NAALADL2: variants seen among roughly 807,000 people sequenced by gnomAD.
NAALADL2 encodes N-acetylated alpha-linked acidic dipeptidase like 2.
A neutral mutation model predicts 87.2 loss-of-function variants in NAALADL2; 76 were observed. That is an observed-to-expected ratio of 0.87 (90% confidence interval 0.72 to 1.05). NAALADL2 has a LOEUF of 1.05. Ranked by LOEUF, NAALADL2 falls within the 50% of genes least tolerant of loss-of-function variation. The pLI is 0.00. For missense variants in NAALADL2, 1,089 were observed against 945.8 expected (o/e 1.15, Z -1.99); for synonymous variants, 354 against 331.0 (o/e 1.07, Z -0.75).
chr3:175,308,147 G>A (rs1348642791), intron 4 of NAALADL2, among the ~76,000 whole-genome samples: 1 of 152,124 alleles, frequency 6.6e-6, no homozygotes, highest in African/African-American at 2.4e-5. Flanking sequence ...TATGAAAGAA[G>A]AGAGACATAA....
chr3:175,449,542 C>T (rs746583977), intron 6 of NAALADL2, among the ~76,000 whole-genome samples: 2 of 151,710 alleles, frequency 1.3e-5, no homozygotes, highest in African/African-American at 2.4e-5. Context: ...TACAGGTGCC[C>T]GCCACCAAGC....
intron 2 of NAALADL2, among the ~76,000 whole-genome samples, chr3:175,181,646 TTC>T (rs1414116834): frequency 2.0e-5 from 3 of 149,502 alleles, no homozygotes; most frequent in African/African-American, 7.4e-5. Flanking sequence ...CAACATACCT[TTC>T]TTATTTATGA....
At chr3:175,235,697 A>G (rs1745714498) in intron 3 of NAALADL2, 1 of 152,252 alleles carries the variant, frequency 6.6e-6, no homozygotes, top group Admixed American at 6.5e-5. Flanking sequence ...CTCCTAAACA[A>G]AAGCATGTCT....
At chr3:174,660,616 A>C (rs911581762) in intron 2 of NAALADL2, among the ~76,000 whole-genome samples, 1 of 152,154 alleles carries the variant, frequency 6.6e-6, no homozygotes, top group Non-Finnish European at 1.5e-5. Context: ...TGTTGTGTAC[A>C]ATTTTGAAAG....
chr3:174,547,781 C>T (rs964055869), intron 1 of NAALADL2, among the ~76,000 whole-genome samples: 3 of 152,070 alleles, frequency 2.0e-5, no homozygotes, highest in Non-Finnish European at 4.4e-5. Flanking sequence ...AGAGTTATAG[C>T]TCTTTAAACT....
chr3:175,569,428 G>A (rs1322322280), intron 9 of NAALADL2, among the ~76,000 whole-genome samples: 1 of 152,066 alleles, frequency 6.6e-6, no homozygotes, highest in Admixed American at 6.5e-5. Context: ...GTTCCCCAAA[G>A]AAACAGAATC....
At chr3:175,165,354 A>G (rs964630552) in intron 2 of NAALADL2, among the ~76,000 whole-genome samples, 1 of 152,168 alleles carries the variant, frequency 6.6e-6, no homozygotes, top group Non-Finnish European at 1.5e-5. Flanking sequence ...TTCTTGATAA[A>G]TGCTTATATA....
At chr3:174,822,380 T>C (rs772447942) in intron 3 of NAALADL2, among the ~76,000 whole-genome samples, 6 of 152,176 alleles carry the variant, frequency 3.9e-5, no homozygotes, top group African/African-American at 1.4e-4. Context: ...GTCTGGAATT[T>C]TATGGGAAAT....
chr3:174,460,555 G>A (rs894183967), intron 1 of NAALADL2, among the ~76,000 whole-genome samples: 3 of 151,800 alleles, frequency 2.0e-5, no homozygotes, highest in African/African-American at 7.2e-5. Flanking sequence ...ACCTAGAGCA[G>A]CAATGTTAAG....
chr3:175,521,856 A>G (rs2149420983), intron 9 of NAALADL2, among the ~76,000 whole-genome samples: 1 of 152,330 alleles, frequency 6.6e-6, no homozygotes, highest in Non-Finnish European at 1.5e-5. Flanking sequence ...GTTTTAAGCC[A>G]TGCAGTTTGC....
intron 3 of NAALADL2, among the ~76,000 whole-genome samples, chr3:174,805,170 A>G (rs1452368975): frequency 2.0e-5 from 3 of 152,128 alleles, no homozygotes; most frequent in Non-Finnish European, 1.5e-5. Context: ...ATGCTGTCAA[A>G]ATTGGAATAT....
intron 3 of NAALADL2, among the ~76,000 whole-genome samples, chr3:174,765,143 C>CACATGAGAGA (rs150906568): frequency 4.0e-5 from 5 of 124,552 alleles, no homozygotes; most frequent in South Asian, 2.4e-4. Context: ...CACACACACA[C>CACATGAGAGA]GAGAGAGAGA....
At chr3:174,686,574 G>A (rs922040358) in intron 2 of NAALADL2, among the ~76,000 whole-genome samples, 6 of 151,642 alleles carry the variant, frequency 4.0e-5, no homozygotes, top group Non-Finnish European at 8.8e-5. Flanking sequence ...AAAACAGCAT[G>A]GTATTGGTAC....
At chr3:175,378,701 GT>G (rs1767443728) in intron 5 of NAALADL2, among the ~76,000 whole-genome samples, 1 of 152,168 alleles carries the variant, frequency 6.6e-6, no homozygotes, top group African/African-American at 2.4e-5. Flanking sequence ...ACTGGAAAGT[GT>G]TTCTGGGTGG....
chr3:174,930,864 C>T (rs908250326), intron 1 of NAALADL2, among the ~76,000 whole-genome samples: 17 of 151,778 alleles, frequency 1.1e-4, no homozygotes, highest in South Asian at 2.1e-4. Context: ...CCTTGTGATC[C>T]GCCCACCTCG....
At chr3:175,339,678 A>G (rs569471212) in intron 5 of NAALADL2, among the ~76,000 whole-genome samples, 2 of 152,284 alleles carry the variant, frequency 1.3e-5, no homozygotes, top group African/African-American at 4.8e-5. Flanking sequence ...CTTCCCAGAA[A>G]ACTACATGTA....
At chr3:174,705,806 A>G (rs1054899316) in intron 2 of NAALADL2, among the ~76,000 whole-genome samples, 2 of 146,286 alleles carry the variant, frequency 1.4e-5, no homozygotes, top group Admixed American at 6.9e-5. Context: ...AAAAAATGTC[A>G]GTTCTGGGTC....
At chr3:175,100,411 A>G (rs1455797417) in intron 2 of NAALADL2, among the ~76,000 whole-genome samples, 1 of 152,314 alleles carries the variant, frequency 6.6e-6, no homozygotes, top group East Asian at 1.9e-4. Context: ...GAAAAAGTTT[A>G]ACAAAACTAT....
At chr3:175,535,439 GCT>G (rs757939414) in intron 9 of NAALADL2, among the ~76,000 whole-genome samples, 6 of 152,074 alleles carry the variant, frequency 3.9e-5, no homozygotes, top group Non-Finnish European at 8.8e-5. Flanking sequence ...CAGTTGTCTT[GCT>G]CGGTTTATTT....
Sources: gnomAD v4.1 joint callset for allele counts (sites outside exome capture counted in the v4.1 genomes callset) on GRCh38, gnomAD v4.1.1 for gene constraint, MANE v1.5 for transcripts, NCBI Gene and HGNC (gene_info 2026-07-23, HGNC 2026-07-21) for gene names.